CHN1: variants seen among roughly 807,000 people sequenced by gnomAD.
CHN1 encodes the protein chimerin 1.
Under a neutral mutation model 59.5 loss-of-function variants are expected in CHN1, and 37 were observed. The ratio of observed to expected loss-of-function variants is 0.62; its 90% CI spans 0.48 to 0.82. CHN1 has a LOEUF of 0.82. Among genes scored for constraint, CHN1 ranks in the 40% least tolerant of loss-of-function variants. The pLI, the probability that CHN1 is intolerant of heterozygous loss-of-function variation, is 0.00. For missense variants in CHN1, 469 were observed against 571.0 expected, an observed-to-expected ratio of 0.82 and a Z score of 1.82; for synonymous variants, 206 against 200.4, an observed-to-expected ratio of 1.03 and a Z score of -0.24.
At chr2:174,878,333 G>T (rs532352803) in intron 5 of CHN1, among the ~76,000 whole-genome samples, 2 of 151,946 alleles carry the variant, frequency 1.3e-5, no homozygotes, top group Non-Finnish European at 2.9e-5. Flanking sequence ...CAATAATTAG[G>T]GACAACTAGT....
At chr2:174,938,334 T>C (rs2105396490) in intron 3 of CHN1, among the ~76,000 whole-genome samples, 1 of 152,152 alleles carries the variant, frequency 6.6e-6, no homozygotes, top group East Asian at 1.9e-4. Context: ...CACTATTTAA[T>C]CCTTTACTTT....
At chr2:174,989,936 G>T (rs1372451947) in intron 1 of CHN1, among the ~76,000 whole-genome samples, 1 of 151,910 alleles carries the variant, frequency 6.6e-6, no homozygotes, top group Non-Finnish European at 1.5e-5. Flanking sequence ...AAACAGATAA[G>T]ACCTGAAAAC....
At position 175,005,239 on chromosome 2, in the gene CHN1, G is replaced by C; in HGVS notation, c.-327C>G. 3.4e-6 allele frequency: 4 copies of C among 1,187,756 alleles called. No individual in the cohort carries two copies. The highest frequency in any genetic ancestry group is 4.2e-6 in the Non-Finnish European group (4 of 957,516). The allele number at this position is 1,187,756 out of a possible 1,614,324, so 73.6% of individuals were successfully genotyped here. On this transcript the variant is annotated 5_prime_UTR_variant, in exon 1 of 13. Transcript: ENST00000409900. Reference sequence around the variant, plus strand: ...CAGGAGGCTTGGCCGCGGCGCAGTGGCTGGCGGAGAGGCGGCGCCGCACTG... The same window carrying C: ...CAGGAGGCTTGGCCGCGGCGCAGTGCCTGGCGGAGAGGCGGCGCCGCACTG...
chr2:174,836,418 T>A (rs1686081299), intron 7 of CHN1, among the ~76,000 whole-genome samples: 1 of 152,238 alleles, frequency 6.6e-6, no homozygotes, highest in Non-Finnish European at 1.5e-5. Context: ...AACCAGTGAC[T>A]TTAATAGGCT....
intron 5 of CHN1, among the ~76,000 whole-genome samples, chr2:174,881,857 AAAG>A (rs1687748254): frequency 6.6e-6 from 1 of 152,214 alleles, no homozygotes; most frequent in Non-Finnish European, 1.5e-5. Context: ...AGGAGCAAGC[AAAG>A]AAGGTCTTTC....
At chr2:174,982,947 G>C (rs941111249) in intron 1 of CHN1, among the ~76,000 whole-genome samples, 2 of 151,990 alleles carry the variant, frequency 1.3e-5, no homozygotes, top group African/African-American at 4.8e-5. Context: ...GGATTCTAAT[G>C]AAGACTCTAG....
At chr2:174,975,593 C>T (rs1439004306) in intron 1 of CHN1, among the ~76,000 whole-genome samples, 2 of 151,782 alleles carry the variant, frequency 1.3e-5, no homozygotes, top group African/African-American at 2.4e-5. Flanking sequence ...CCATTTACCA[C>T]CCAGGTCCAT....
intron 1 of CHN1, among the ~76,000 whole-genome samples, chr2:174,977,163 A>G (rs1304700534): frequency 6.6e-6 from 1 of 152,208 alleles, no homozygotes; most frequent in East Asian, 1.9e-4. Flanking sequence ...TGTCTCAACG[A>G]CTGAACTCTG....
Position 175,005,278 on chromosome 2 carries a change from C to T in CHN1, c.-366G>A. The T allele has an allele frequency of 5.1e-6, 6 of 1,165,946 alleles. No individual in the cohort carries two copies. The highest frequency in any genetic ancestry group is 5.3e-6 in the Non-Finnish European group (5 of 939,620). The allele number at this position is 1,165,946 out of a possible 1,614,324, so 72.2% of individuals were successfully genotyped here. ...GGCGCCGCACTGGCGGCGGCGGCGG[C>T]GGCGACGGGGAGAGCAGCAGCAGCC... On this transcript the variant is annotated 5_prime_UTR_variant, in exon 1 of 13. Transcript: ENST00000409900.
intron 7 of CHN1, among the ~76,000 whole-genome samples, chr2:174,845,390 A>C (rs1231229587): frequency 2.6e-5 from 4 of 152,114 alleles, no homozygotes; most frequent in Non-Finnish European, 5.9e-5. Flanking sequence ...ATTTGGGGTC[A>C]TTTTCCTGAT....
rs201846089 is a variant in CHN1, at chr2:174,960,256, A to G, written c.20-8054T>C. On this transcript the variant is annotated intron_variant, in intron 1 of 12. Coordinates refer to ENST00000409900, the MANE Select transcript of CHN1 (RefSeq NM_001822.7). ...AAGGATGTTAGAAAAATATTAATAC[A>G]GAAGAATATCACAATATTACTTTTA... Among the ~76,000 whole-genome samples, 12 of 152,372 alleles carry G rather than the reference A, an allele frequency of 7.9e-5. No homozygotes were observed. In the East Asian group the frequency reaches 1.9e-3, roughly 24 times the overall value.
At position 174,921,684 on chromosome 2, in the gene CHN1, T is replaced by C. The variant is rs534684951; in HGVS notation, c.115-3119A>G. ...GGAGGTTTCAGGAAACTTACAATTA[T>C]GGCAGAAGGGGAAGCAAACAGGTCC... is the stretch of plus-strand genomic sequence containing the variant. On this transcript the variant is annotated intron_variant, in intron 3 of 12. Coordinates refer to ENST00000409900, the MANE Select transcript of CHN1 (RefSeq NM_001822.7). Among the ~76,000 whole-genome samples, 4 of 152,180 alleles carry C rather than the reference T, an allele frequency of 2.6e-5. No individual in the cohort carries two copies. In the East Asian group the frequency reaches 5.8e-4, roughly 22 times the overall value.
At chr2:174,862,375 C>T (rs1316059473) in intron 6 of CHN1, among the ~76,000 whole-genome samples, 1 of 151,660 alleles carries the variant, frequency 6.6e-6, no homozygotes, top group Non-Finnish European at 1.5e-5. Context: ...GCTCTGTCGC[C>T]AGGCTGGAGT....
At chr2:174,898,011 T>C (rs1035549661) in intron 5 of CHN1, among the ~76,000 whole-genome samples, 3 of 152,226 alleles carry the variant, frequency 2.0e-5, no homozygotes, top group African/African-American at 7.2e-5. Flanking sequence ...GGTATGAACA[T>C]GGCTCCCTAG....
chr2:175,000,227 A>G (rs763469442), intron 1 of CHN1, among the ~76,000 whole-genome samples: 4 of 145,058 alleles, frequency 2.8e-5, no homozygotes, highest in Non-Finnish European at 4.5e-5. Flanking sequence ...TGCAACCTCT[A>G]CCTCCTGGGG....
chr2:174,972,420 A>G (rs1043140145), intron 1 of CHN1, among the ~76,000 whole-genome samples: 4 of 152,206 alleles, frequency 2.6e-5, no homozygotes, highest in Admixed American at 6.5e-5. Flanking sequence ...CCCAATTTCA[A>G]ATTCCCCTAA....
At chr2:174,995,720 C>T (rs1691686353) in intron 1 of CHN1, among the ~76,000 whole-genome samples, 1 of 152,170 alleles carries the variant, frequency 6.6e-6, no homozygotes, top group Non-Finnish European at 1.5e-5. Flanking sequence ...CAGCACAAGT[C>T]CATGGCTTGG....
intron 1 of CHN1, among the ~76,000 whole-genome samples, chr2:174,979,508 A>G (rs978940462): frequency 9.2e-5 from 14 of 152,194 alleles, no homozygotes; most frequent in African/African-American, 3.4e-4. Flanking sequence ...CAAGGGGTAC[A>G]AGGCAATATT....
At chr2:175,002,459 C>T (rs1691921717) in intron 1 of CHN1, among the ~76,000 whole-genome samples, 1 of 152,104 alleles carries the variant, frequency 6.6e-6, no homozygotes, top group South Asian at 2.1e-4. Context: ...CTATAATATA[C>T]TTAACAGGTG....
Sources: gnomAD v4.1 joint callset for allele counts (sites outside exome capture counted in the v4.1 genomes callset) on GRCh38, gnomAD v4.1.1 for gene constraint, MANE v1.5 for transcripts, NCBI Gene and HGNC (gene_info 2026-07-23, HGNC 2026-07-21) for gene names.